The following ERG variants were observed in gnomAD, a reference collection of about 807,000 sequenced individuals.
ERG encodes the protein ETS transcription factor ERG.
A neutral mutation model predicts 55.3 loss-of-function variants in ERG; 9 were observed. The ratio of observed to expected loss-of-function variants is 0.16; its 90% CI spans 0.10 to 0.28. ERG has a LOEUF of 0.28. ERG is among the 10% of genes least tolerant of loss of function. ERG has a pLI of 1.00. For missense variants in ERG, 434 were observed against 631.6 expected, an observed-to-expected ratio of 0.69 and a Z score of 3.35; for synonymous variants, 223 against 237.3, an observed-to-expected ratio of 0.94 and a Z score of 0.55.
intron 1 of ERG, among the ~76,000 whole-genome samples, chr21:38,637,049 G>C (rs2060393635): frequency 1.3e-5 from 2 of 152,150 alleles, no homozygotes; most frequent in Non-Finnish European, 2.9e-5. Context: ...GGCAGGCTTG[G>C]AACCGCACGC....
intron 1 of ERG, among the ~76,000 whole-genome samples, chr21:38,617,062 T>C (rs778901354): frequency 7.2e-5 from 11 of 152,224 alleles, no homozygotes; most frequent in Non-Finnish European, 1.5e-4. Flanking sequence ...AGTTACATCA[T>C]ATGCTGCCTC....
chr21:38,591,376 TAGA>T (rs891669491), intron 1 of ERG, among the ~76,000 whole-genome samples: 3 of 152,276 alleles, frequency 2.0e-5, no homozygotes, highest in African/African-American at 7.2e-5. Context: ...AGGCTACTCA[TAGA>T]AGAAGTTGAG....
intron 1 of ERG, among the ~76,000 whole-genome samples, chr21:38,659,721 A>G (rs1220988757): frequency 6.6e-6 from 1 of 152,258 alleles, no homozygotes; most frequent in Non-Finnish European, 1.5e-5. Context: ...ATTAACGATG[A>G]GTTGTATTAA....
intron 3 of ERG, among the ~76,000 whole-genome samples, chr21:38,411,816 C>A (rs1989069030): frequency 1.3e-5 from 2 of 152,156 alleles, no homozygotes; most frequent in African/African-American, 4.8e-5. Flanking sequence ...TAAAATATCT[C>A]ACTAAATTGG....
intron 1 of ERG, among the ~76,000 whole-genome samples, chr21:38,447,634 A>C (rs1204303058): frequency 2.6e-5 from 4 of 151,598 alleles, no homozygotes; most frequent in Non-Finnish European, 5.9e-5. Context: ...TCAAAGTAAA[A>C]TCAGCACCAT....
chr21:38,594,666 A>T (rs547284087), intron 1 of ERG, among the ~76,000 whole-genome samples: 27 of 152,330 alleles, frequency 1.8e-4, no homozygotes, highest in African/African-American at 5.5e-4. Context: ...AAAATAGGGC[A>T]TTTCAGCCTT....
chr21:38,479,115 T>C (rs1569131269), intron 1 of ERG, among the ~76,000 whole-genome samples: 1 of 152,268 alleles, frequency 6.6e-6, no homozygotes, highest in South Asian at 2.1e-4. Flanking sequence ...TTGACTATTA[T>C]GCTGGATTTA....
At chr21:38,425,150 G>A (rs747896668) in intron 2 of ERG, among the ~76,000 whole-genome samples, 11 of 152,170 alleles carry the variant, frequency 7.2e-5, no homozygotes, top group East Asian at 1.9e-4. Flanking sequence ...TTGGGAGGCC[G>A]AGGTGGGCAG....
At chr21:38,607,366 T>C (rs1466236799) in intron 1 of ERG, among the ~76,000 whole-genome samples, 1 of 152,028 alleles carries the variant, frequency 6.6e-6, no homozygotes, top group African/African-American at 2.4e-5. Context: ...AGGCTGGGCG[T>C]GGTGGCTCAC....
intron 1 of ERG, among the ~76,000 whole-genome samples, chr21:38,487,386 T>G (rs1391368476): frequency 6.6e-6 from 1 of 152,188 alleles, no homozygotes; most frequent in Non-Finnish European, 1.5e-5. Context: ...GAACGAAGTT[T>G]TTATTACTGC....
At chr21:38,649,982 T>C (rs1476001678) in intron 1 of ERG, among the ~76,000 whole-genome samples, 1 of 152,212 alleles carries the variant, frequency 6.6e-6, no homozygotes, top group Non-Finnish European at 1.5e-5. Context: ...TAAACCACAA[T>C]ATTCCTTCTC....
intron 1 of ERG, among the ~76,000 whole-genome samples, chr21:38,628,112 C>T (rs1358089366): frequency 2.0e-5 from 3 of 151,960 alleles, no homozygotes; most frequent in East Asian, 3.9e-4. Flanking sequence ...CCACAGCTGG[C>T]TAATTGTTGT....
chr21:38,452,605 G>A (rs929031968), intron 1 of ERG, among the ~76,000 whole-genome samples: 3 of 152,022 alleles, frequency 2.0e-5, no homozygotes, highest in Non-Finnish European at 4.4e-5. Context: ...TATCCACTAG[G>A]GCAAATGTTG....
chr21:38,426,861 C>T (rs1349610526), intron 2 of ERG, among the ~76,000 whole-genome samples: 2 of 150,744 alleles, frequency 1.3e-5, no homozygotes, highest in African/African-American at 4.9e-5. Context: ...ACCAGGGAGG[C>T]GGAGGTTGCG....
At chr21:38,444,899 C>T (rs2836406) in intron 2 of ERG, among the ~76,000 whole-genome samples, 22,924 of 152,050 alleles carry the variant, frequency 0.15, 2,031 homozygotes, top group African/African-American at 0.23. Flanking sequence ...AAACATAAGA[C>T]GGCATTATTT....
chr21:38,492,390 C>T (rs984608516), intron 1 of ERG, among the ~76,000 whole-genome samples: 9 of 152,164 alleles, frequency 5.9e-5, no homozygotes, highest in Non-Finnish European at 1.2e-4. Flanking sequence ...TTTTAATTAA[C>T]GTTATTTTAC....
chr21:38,631,359 T>C (rs895529887), intron 1 of ERG, among the ~76,000 whole-genome samples: 1 of 151,948 alleles, frequency 6.6e-6, no homozygotes, highest in African/African-American at 2.4e-5. Context: ...GAAAATTTGG[T>C]TGAAAAAAAA....
At chr21:38,629,928 AGAAAT>A (rs965277416) in intron 1 of ERG, among the ~76,000 whole-genome samples, 13 of 152,236 alleles carry the variant, frequency 8.5e-5, no homozygotes, top group African/African-American at 2.7e-4. Flanking sequence ...GCCTTAAAAA[AGAAAT>A]GAAATTATAA....
At chr21:38,412,105 T>C (rs1358894567) in intron 3 of ERG, among the ~76,000 whole-genome samples, 1 of 152,198 alleles carries the variant, frequency 6.6e-6, no homozygotes, top group East Asian at 1.9e-4. Context: ...AAACAACCCA[T>C]AACTGATTGT....
Sources: gnomAD v4.1 joint callset for allele counts (sites outside exome capture counted in the v4.1 genomes callset) on GRCh38, gnomAD v4.1.1 for gene constraint, MANE v1.5 for transcripts, NCBI Gene and HGNC (gene_info 2026-07-23, HGNC 2026-07-21) for gene names.